CCNY: variants seen among roughly 807,000 people sequenced by gnomAD.
The protein encoded by CCNY is cyclin Y.
CCNY carries 19 observed loss-of-function variants against 42.8 expected under a neutral mutation model. That is an observed-to-expected ratio of 0.44 (90% CI 0.31 to 0.65). The LOEUF (loss-of-function observed/expected upper bound fraction) is 0.65, where lower values mean the gene tolerates loss of function less well. CCNY is among the 30% of genes least tolerant of loss of function. The probability of loss-of-function intolerance (pLI) is 0.07; values close to 1 mark genes in which losing one functional copy is unlikely to be tolerated. For synonymous variants in CCNY, 165 were observed against 162.7 expected (o/e 1.01, Z -0.11); for missense variants, 370 against 437.3 (o/e 0.85, Z 1.37).
In CCNY at chr10:35,534,614, A is replaced by G. The variant is rs1840842153; in HGVS notation, c.579+4371A>G. Among the ~76,000 whole-genome samples the G allele has an allele frequency of 2.6e-5, 4 of 152,142 alleles. No individual in the cohort carries two copies. The South Asian group carries it at 6.2e-4, about 24-fold the overall frequency. On this transcript the variant is annotated intron_variant, in intron 7 of 9. Transcript: ENST00000374704. ...TTTATTGGGACATATTTTATATACC[A>G]TACAATTCAGCCATTTAAAGTGAGC...
At chr10:35,523,360 T>G (rs1451726978) in intron 4 of CCNY, among the ~76,000 whole-genome samples, 2 of 152,172 alleles carry the variant, frequency 1.3e-5, no homozygotes, top group Non-Finnish European at 2.9e-5. Flanking sequence ...TTGGGGTGAT[T>G]CCAGCCTCAG....
chr10:35,364,034 C>T (rs1836757931), intron 1 of CCNY, among the ~76,000 whole-genome samples: 1 of 152,190 alleles, frequency 6.6e-6, no homozygotes, highest in Non-Finnish European at 1.5e-5. Context: ...TAATATGTTA[C>T]TGTTGAGAAT....
At chr10:35,523,859 A>G (rs748526847) in intron 4 of CCNY, among the ~76,000 whole-genome samples, 2 of 152,226 alleles carry the variant, frequency 1.3e-5, no homozygotes, top group African/African-American at 2.4e-5. Flanking sequence ...TAGCACTAAT[A>G]AGGAGGAAGG....
intron 7 of CCNY, among the ~76,000 whole-genome samples, chr10:35,545,120 C>T (rs1841084947): frequency 6.6e-6 from 1 of 152,142 alleles, no homozygotes; most frequent in Non-Finnish European, 1.5e-5. Context: ...TCAAAGAAAC[C>T]CAGACTTATT....
chr10:35,433,796 A>G (rs1455353121), intron 1 of CCNY, among the ~76,000 whole-genome samples: 1 of 152,148 alleles, frequency 6.6e-6, no homozygotes, highest in Non-Finnish European at 1.5e-5. Context: ...TTTAGTAGAG[A>G]TAGAGTTTCA....
upstream of CCNY, among the ~76,000 whole-genome samples, chr10:35,335,299 C>A (rs1361841701): frequency 6.6e-6 from 1 of 152,078 alleles, no homozygotes; most frequent in Non-Finnish European, 1.5e-5. Context: ...TTAACTTGTT[C>A]CCAACATGAC....
At chr10:35,323,217 C>T (rs1023590813) in intron 3 of CCNY, among the ~76,000 whole-genome samples, 5 of 152,156 alleles carry the variant, frequency 3.3e-5, no homozygotes, top group African/African-American at 1.2e-4. Flanking sequence ...GCATGAGCCA[C>T]CGCACTCGGC....
At chr10:35,564,539 C>T (rs1841529721) in intron 8 of CCNY, among the ~76,000 whole-genome samples, 1 of 152,206 alleles carries the variant, frequency 6.6e-6, no homozygotes, top group Admixed American at 6.5e-5. Flanking sequence ...GGACATCACT[C>T]AGGACAGGAT....
At chr10:35,376,531 G>T (rs952725673) in intron 1 of CCNY, among the ~76,000 whole-genome samples, 1 of 152,174 alleles carries the variant, frequency 6.6e-6, no homozygotes, top group African/African-American at 2.4e-5. Context: ...AACTTTGAGT[G>T]CCAACATGAT....
chr10:35,261,116 AC>A (rs2095719214), intron 3 of CCNY, among the ~76,000 whole-genome samples: 1 of 152,112 alleles, frequency 6.6e-6, no homozygotes, highest in Admixed American at 6.6e-5. Flanking sequence ...CCTTAAAAAA[AC>A]AAAAGAAAAC....
chr10:35,264,144 T>G (rs1480342331), intron 3 of CCNY, among the ~76,000 whole-genome samples: 4 of 152,248 alleles, frequency 2.6e-5, no homozygotes, highest in Non-Finnish European at 5.9e-5. Flanking sequence ...TGAACATATG[T>G]GTGGCACGTA....
intron 1 of CCNY, among the ~76,000 whole-genome samples, chr10:35,425,824 T>G (rs1339850937): frequency 6.6e-6 from 1 of 152,170 alleles, no homozygotes; most frequent in Non-Finnish European, 1.5e-5. Flanking sequence ...GCTTTTGCAA[T>G]CAGAAAAACT....
intron 5 of CCNY, among the ~76,000 whole-genome samples, chr10:35,529,086 TC>T (rs1215959084): frequency 6.6e-6 from 1 of 152,212 alleles, no homozygotes. Context: ...GGTACTGTGT[TC>T]ACAGTGAAAG....
rs185546821 is a variant in CCNY at position 35,322,966 on chromosome 10, G to A, written c.-9+72340G>A. Among the ~76,000 whole-genome samples, 549 of 152,180 alleles carry A rather than the reference G, an allele frequency of 3.6e-3. 5 individuals are homozygous for A. The highest frequency in any genetic ancestry group is 0.013 in the African/African-American group (531 of 41,528). On this transcript the variant is annotated intron_variant, in intron 3 of 11. Coordinates refer to the CCNY transcript ENST00000374706. ...TTTTGAGATGGAGTCTCGCTCTGTC[G>A]CTCAGGCTGGAGTACAGTGGTGTGA...
chr10:35,399,747 T>C (rs963163874), intron 1 of CCNY, among the ~76,000 whole-genome samples: 2 of 152,192 alleles, frequency 1.3e-5, no homozygotes, highest in African/African-American at 2.4e-5. Flanking sequence ...GGAGTACTGA[T>C]AGGGAGATAC....
intron 1 of CCNY, among the ~76,000 whole-genome samples, chr10:35,437,005 A>AC (rs1488113472): frequency 2.0e-5 from 3 of 152,346 alleles, no homozygotes; most frequent in African/African-American, 7.2e-5. Context: ...GACATGTCTT[A>AC]CGTGTCAGCA....
intron 7 of CCNY, among the ~76,000 whole-genome samples, chr10:35,535,202 A>C (rs979243330): frequency 6.6e-6 from 1 of 151,886 alleles, no homozygotes; most frequent in Non-Finnish European, 1.5e-5. Context: ...AGCCCTTCGT[A>C]TTTATTGAGT....
chr10:35,435,870 A>G (rs143588210), intron 1 of CCNY, among the ~76,000 whole-genome samples: 145 of 152,278 alleles, frequency 9.5e-4, no homozygotes, highest in Non-Finnish European at 1.9e-3. Context: ...AATGGCTAAG[A>G]TGTTTAAGTT....
chr10:35,449,674 G>A (rs1838873164), intron 1 of CCNY: 6 of 814,024 alleles, frequency 7.4e-6, no homozygotes, highest in Non-Finnish European at 7.4e-6. Context: ...CCGAGTAGGG[G>A]GGCCGGCCCC....
Sources: allele counts gnomAD v4.1 joint callset (sites outside exome capture counted in the v4.1 genomes callset), GRCh38; gene constraint gnomAD v4.1.1; transcripts MANE v1.5; gene names NCBI Gene and HGNC (gene_info 2026-07-23, HGNC 2026-07-21).